PRKCE: variants seen among roughly 807,000 people sequenced by gnomAD.
PRKCE encodes the protein protein kinase C epsilon.
Under a neutral mutation model 85.4 loss-of-function variants are expected in PRKCE, and 16 were observed. The observed-to-expected ratio is 0.19, with a 90% CI of 0.13 to 0.28. The LOEUF (loss-of-function observed/expected upper bound fraction) is 0.28, where lower values mean the gene tolerates loss of function less well. Ranked by LOEUF, PRKCE falls within the 10% of genes least tolerant of loss-of-function variation. PRKCE has a pLI of 1.00. For synonymous variants in PRKCE, 388 were observed against 371.5 expected, an observed-to-expected ratio of 1.04 and a Z score of -0.51; for missense variants, 573 against 975.2, an observed-to-expected ratio of 0.59 and a Z score of 5.49.
intron 1 of PRKCE, among the ~76,000 whole-genome samples, chr2:45,756,254 C>T (rs1174747740): frequency 6.6e-6 from 1 of 152,102 alleles, no homozygotes; most frequent in Non-Finnish European, 1.5e-5. Flanking sequence ...AAAAAGCATG[C>T]CTCCAAATAC....
chr2:46,106,045 T>C (rs1006363452), intron 11 of PRKCE, among the ~76,000 whole-genome samples: 1 of 152,252 alleles, frequency 6.6e-6, no homozygotes, highest in Non-Finnish European at 1.5e-5. Flanking sequence ...TAACTTGTGC[T>C]TAACTTTTTC....
intron 1 of PRKCE, among the ~76,000 whole-genome samples, chr2:45,670,226 T>C (rs938548283): frequency 6.6e-6 from 1 of 152,216 alleles, no homozygotes; most frequent in Non-Finnish European, 1.5e-5. Flanking sequence ...TCTGACTCTT[T>C]CCAAATTTAA....
chr2:45,951,824 C>T (rs1424894349), intron 2 of PRKCE, among the ~76,000 whole-genome samples: 1 of 152,158 alleles, frequency 6.6e-6, no homozygotes, highest in Non-Finnish European at 1.5e-5. Flanking sequence ...CTCTCAGACT[C>T]TTTTGTTTTG....
intron 2 of PRKCE, among the ~76,000 whole-genome samples, chr2:45,897,129 CAT>C (rs1353865059): frequency 6.6e-6 from 1 of 152,124 alleles, no homozygotes; most frequent in Non-Finnish European, 1.5e-5. Context: ...TTAAATATAA[CAT>C]AATATGAAAT....
At chr2:45,779,255 G>A (rs575674331) in intron 1 of PRKCE, among the ~76,000 whole-genome samples, 2 of 152,346 alleles carry the variant, frequency 1.3e-5, no homozygotes, top group African/African-American at 4.8e-5. Context: ...TGGCCAACTT[G>A]TAGAGGAGAG....
intron 2 of PRKCE, among the ~76,000 whole-genome samples, chr2:45,973,962 A>G (rs1422489433): frequency 6.6e-6 from 1 of 152,338 alleles, no homozygotes; most frequent in African/African-American, 2.4e-5. Flanking sequence ...AGACGGGCTT[A>G]CTGTTCAAAT....
intron 10 of PRKCE, among the ~76,000 whole-genome samples, chr2:46,061,864 T>C (rs534475594): frequency 2.0e-4 from 27 of 134,498 alleles, no homozygotes; most frequent in African/African-American, 7.0e-4. Flanking sequence ...TTTTTCTTTT[T>C]TTTTTTTTTT....
chr2:45,819,162 A>C (rs1201580644), intron 1 of PRKCE, among the ~76,000 whole-genome samples: 4 of 152,154 alleles, frequency 2.6e-5, no homozygotes, highest in Non-Finnish European at 5.9e-5. Flanking sequence ...CATAGTTTCT[A>C]TGCATTTTAT....
chr2:45,831,692 G>A (rs767454316), intron 1 of PRKCE, among the ~76,000 whole-genome samples: 2 of 152,076 alleles, frequency 1.3e-5, no homozygotes, highest in Non-Finnish European at 2.9e-5. Flanking sequence ...GGAAATTGAG[G>A]CATACACATT....
intron 11 of PRKCE, among the ~76,000 whole-genome samples, chr2:46,113,421 T>C (rs1672457755): frequency 2.0e-5 from 3 of 152,252 alleles, no homozygotes; most frequent in Non-Finnish European, 4.4e-5. Context: ...CCTCACAGAA[T>C]GTGGTCAGGA....
intron 1 of PRKCE, among the ~76,000 whole-genome samples, chr2:45,804,404 G>A (rs771568101): frequency 1.3e-5 from 2 of 152,212 alleles, no homozygotes; most frequent in East Asian, 1.9e-4. Context: ...TGGGCATGCC[G>A]AGTCGAGGTG....
intron 14 of PRKCE, among the ~76,000 whole-genome samples, chr2:46,172,128 C>T (rs1348494943): frequency 6.6e-6 from 1 of 152,212 alleles, no homozygotes; most frequent in African/African-American, 2.4e-5. Flanking sequence ...GGCTGTGGCT[C>T]TCTGCCGTCC....
At chr2:45,678,922 G>T (rs542270692) in intron 1 of PRKCE, among the ~76,000 whole-genome samples, 1 of 152,112 alleles carries the variant, frequency 6.6e-6, no homozygotes, top group Admixed American at 6.5e-5. Flanking sequence ...AGGCCTAGAC[G>T]AGTGGAAGGT....
At chr2:45,684,698 C>T (rs542236737) in intron 1 of PRKCE, among the ~76,000 whole-genome samples, 1 of 152,254 alleles carries the variant, frequency 6.6e-6, no homozygotes, top group East Asian at 1.9e-4. Flanking sequence ...GACTGCACCT[C>T]GATTTTCATT....
At chr2:45,972,400 T>C (rs1442987679) in intron 2 of PRKCE, among the ~76,000 whole-genome samples, 2 of 152,218 alleles carry the variant, frequency 1.3e-5, no homozygotes, top group African/African-American at 2.4e-5. Flanking sequence ...AAATGATTTT[T>C]TTCCATTCTT....
In PRKCE at chr2:45,782,217, C is replaced by T. The variant is rs557997734; in HGVS notation, c.349-60783C>T. On this transcript the variant is annotated intron_variant, in intron 1 of 14. Coordinates refer to ENST00000306156, the MANE Select transcript of PRKCE (RefSeq NM_005400.3). Reference sequence around the variant, plus strand: ...ATCAGTGCTTTACCAAGCCTCCTCTCGTCCAGGCCCATCTTCCGACTTGAC... The same window carrying T: ...ATCAGTGCTTTACCAAGCCTCCTCTTGTCCAGGCCCATCTTCCGACTTGAC... Among the ~76,000 whole-genome samples, 4 of 152,288 alleles carry T rather than the reference C, an allele frequency of 2.6e-5. No individual in the cohort carries two copies. In the South Asian group the frequency reaches 8.3e-4, roughly 32 times the overall value.
chr2:46,120,575 G>T (rs1673212146), intron 11 of PRKCE, among the ~76,000 whole-genome samples: 1 of 152,154 alleles, frequency 6.6e-6, no homozygotes, highest in South Asian at 2.1e-4. Context: ...TTTTGCCATG[G>T]TGTTTAGGTA....
chr2:45,919,891 T>A (rs1698126662), intron 2 of PRKCE, among the ~76,000 whole-genome samples: 1 of 152,166 alleles, frequency 6.6e-6, no homozygotes, highest in Non-Finnish European at 1.5e-5. Flanking sequence ...CGAACACTAG[T>A]GCCAGTGTTC....
intron 10 of PRKCE, among the ~76,000 whole-genome samples, chr2:46,072,554 C>T (rs78134821): frequency 0.12 from 18,085 of 152,226 alleles, 1,225 homozygotes; most frequent in African/African-American, 0.17. Context: ...TATCTAAACA[C>T]GGTCGGGACC....
Sources: allele counts gnomAD v4.1 joint callset (sites outside exome capture counted in the v4.1 genomes callset), GRCh38; gene constraint gnomAD v4.1.1; transcripts MANE v1.5; gene names NCBI Gene and HGNC (gene_info 2026-07-23, HGNC 2026-07-21).